Variants in CSMD1 observed in about 807,000 individuals in gnomAD.
CSMD1 encodes the protein CUB and Sushi multiple domains 1, also known as CUB and sushi domain-containing protein 1.
In CSMD1, 213 loss-of-function variants were observed where a neutral mutation model predicts 417.5. The observed-to-expected ratio is 0.51, with a 90% CI of 0.46 to 0.57. CSMD1 has a LOEUF of 0.57. Ranked by LOEUF, CSMD1 falls within the 20% of genes least tolerant of loss-of-function variation. The pLI is 0.00. For missense variants in CSMD1, 6,923 were observed against 4,529.7 expected (o/e 1.53, Z -15.17); for synonymous variants, 2,862 against 1,736.8 (o/e 1.65, Z -16.11).
intron 23 of CSMD1, among the ~76,000 whole-genome samples, chr8:3,321,416 C>T (rs191551685): frequency 1.1e-4 from 16 of 152,276 alleles, no homozygotes; most frequent in Non-Finnish European, 1.5e-4. Flanking sequence ...CCCTACCCTG[C>T]ATATTCCTCC....
intron 1 of CSMD1, among the ~76,000 whole-genome samples, chr8:4,852,267 C>A (rs1294826469): frequency 3.9e-5 from 6 of 152,088 alleles, no homozygotes; most frequent in Non-Finnish European, 7.4e-5. Flanking sequence ...GGAGGTGGGG[C>A]CTTGTGGGAG....
chr8:3,002,507 T>C lies in CSMD1; in HGVS notation c.8030-2376A>G, dbSNP rs1361262050. On this transcript the variant is annotated intron_variant, in intron 52 of 69. Transcript: ENST00000635120. Reference sequence around the variant, plus strand: ...ACCAGCAATTCCTTTTGGAATTACTTCTGAAGCCTGGAACCACTCCAAGAG... The same window carrying C: ...ACCAGCAATTCCTTTTGGAATTACTCCTGAAGCCTGGAACCACTCCAAGAG... Among the ~76,000 whole-genome samples the C allele has an allele frequency of 2.0e-5, 3 of 152,128 alleles. 1 individual carries two copies. Among genetic ancestry groups the C allele is most frequent in the African/African-American group, 7.2e-5 (3 of 41,420 alleles).
intron 5 of CSMD1, among the ~76,000 whole-genome samples, chr8:3,815,535 T>C (rs112405382): frequency 7.9e-6 from 1 of 126,622 alleles, no homozygotes; most frequent in African/African-American, 3.4e-5. Context: ...TCAAACAAAA[T>C]AAAAGAAAAA....
chr8:3,471,640 T>G (rs1243034685), intron 11 of CSMD1, among the ~76,000 whole-genome samples: 5 of 138,382 alleles, frequency 3.6e-5, no homozygotes, highest in African/African-American at 1.3e-4. Flanking sequence ...CTCCCTCCCT[T>G]CTTCCTCTCT....
chr8:4,443,724 G>C (rs1210363528), intron 2 of CSMD1, among the ~76,000 whole-genome samples: 3 of 152,288 alleles, frequency 2.0e-5, no homozygotes, highest in South Asian at 2.1e-4. Context: ...GTTGGCTAAA[G>C]ATGATCCAAA....
At chr8:3,864,839 C>T (rs952003905) in intron 5 of CSMD1, among the ~76,000 whole-genome samples, 1 of 152,170 alleles carries the variant, frequency 6.6e-6, no homozygotes, top group Non-Finnish European at 1.5e-5. Flanking sequence ...ATTTCCTAGA[C>T]ATTTTCCTAG....
At chr8:4,311,584 G>A (rs544619916) in intron 3 of CSMD1, among the ~76,000 whole-genome samples, 26 of 151,976 alleles carry the variant, frequency 1.7e-4, no homozygotes, top group Non-Finnish European at 3.1e-4. Context: ...TGAGCCAGGT[G>A]TGGTTGTGGG....
intron 26 of CSMD1, among the ~76,000 whole-genome samples, chr8:3,243,768 TATC>T (rs1351551093): frequency 6.6e-6 from 1 of 150,506 alleles, no homozygotes; most frequent in East Asian, 1.9e-4. Flanking sequence ...ATATAAACAA[TATC>T]ATTTATATAT....
intron 2 of CSMD1, among the ~76,000 whole-genome samples, chr8:4,566,406 C>A (rs1372448331): frequency 2.3e-4 from 35 of 151,990 alleles, no homozygotes. Flanking sequence ...GTAATCCCAT[C>A]ACTTTGGGAG....
intron 33 of CSMD1, among the ~76,000 whole-genome samples, chr8:3,199,426 G>C (rs1376417016): frequency 6.6e-6 from 1 of 151,910 alleles, no homozygotes; most frequent in South Asian, 2.1e-4. Flanking sequence ...GTCATCTTAC[G>C]AGATGTGAAG....
chr8:4,871,977 G>A (rs1176060787), intron 1 of CSMD1, among the ~76,000 whole-genome samples: 3 of 151,986 alleles, frequency 2.0e-5, no homozygotes, highest in Non-Finnish European at 4.4e-5. Context: ...ACAGCAGCAC[G>A]GCCCCAGCAT....
At chr8:4,074,736 G>GA (rs1368994900) in intron 3 of CSMD1, among the ~76,000 whole-genome samples, 3 of 151,192 alleles carry the variant, frequency 2.0e-5, no homozygotes, top group East Asian at 3.9e-4. Context: ...ATTGATTTAG[G>GA]AAAAAGAAAC....
At chr8:4,345,674 A>G (rs1188163356) in intron 3 of CSMD1, among the ~76,000 whole-genome samples, 3 of 152,156 alleles carry the variant, frequency 2.0e-5, no homozygotes, top group Non-Finnish European at 1.5e-5. Context: ...CTTTCTCAAG[A>G]TATGAAATGG....
chr8:3,257,350 C>T (rs545493274), intron 26 of CSMD1, among the ~76,000 whole-genome samples: 1 of 152,220 alleles, frequency 6.6e-6, no homozygotes, highest in African/African-American at 2.4e-5. Flanking sequence ...CTTCTGAGTG[C>T]CTACTGCATG....
chr8:2,952,427 G>T (rs1802698150), intron 65 of CSMD1, among the ~76,000 whole-genome samples: 1 of 152,158 alleles, frequency 6.6e-6, no homozygotes, highest in African/African-American at 2.4e-5. Context: ...CCTAGCAAGA[G>T]AAGGGTTAAA....
intron 5 of CSMD1, among the ~76,000 whole-genome samples, chr8:3,855,484 G>A (rs1442836100): frequency 6.6e-6 from 1 of 152,106 alleles, no homozygotes; most frequent in Non-Finnish European, 1.5e-5. Context: ...TAGTTATGAA[G>A]ATATAAGCTC....
chr8:4,429,753 G>A (rs1257826647), intron 2 of CSMD1, among the ~76,000 whole-genome samples: 2 of 152,124 alleles, frequency 1.3e-5, no homozygotes, highest in African/African-American at 4.8e-5. Flanking sequence ...CGTATGCTGA[G>A]ATTCTAGAAG....
At chr8:4,174,742 T>TGAGGAAGAGGGATGG (rs1797946321) in intron 3 of CSMD1, among the ~76,000 whole-genome samples, 1 of 5,684 alleles carries the variant, frequency 1.8e-4, no homozygotes. Context: ...AAGAGGGATG[T>TGAGGAAGAGGGATGG]GAGGAAGAGG....
At position 4,869,268 on chromosome 8, in the gene CSMD1, CAT is replaced by C. The variant is rs566268109; in HGVS notation, c.85+125062_85+125063del. Among the ~76,000 whole-genome samples, 112 of 152,088 alleles carry C rather than the reference CAT, an allele frequency of 7.4e-4. 4 individuals are homozygous for C. The highest frequency in any genetic ancestry group is 2.6e-3 in the African/African-American group (109 of 41,454). On this transcript the variant is annotated intron_variant, in intron 1 of 69. Coordinates refer to ENST00000635120, the MANE Select transcript of CSMD1 (RefSeq NM_033225.6). Reference sequence around the variant, plus strand: ...TATGAACGTATATATTATCATTTAACATAGTGCTAATTCCATCCTGTTTTATC... The same window carrying C: ...TATGAACGTATATATTATCATTTAACAGTGCTAATTCCATCCTGTTTTATC...
Sources: gnomAD v4.1 joint callset for allele counts (sites outside exome capture counted in the v4.1 genomes callset) on GRCh38, gnomAD v4.1.1 for gene constraint, MANE v1.5 for transcripts, NCBI Gene and HGNC (gene_info 2026-07-23, HGNC 2026-07-21) for gene names.